Variants in LRRC47 observed in about 807,000 individuals in gnomAD.
LRRC47 encodes the protein leucine-rich repeat-containing protein 47.
Under a neutral mutation model 40.9 loss-of-function variants are expected in LRRC47, and 31 were observed. The observed-to-expected ratio is 0.76, with a 90% confidence interval of 0.57 to 1.02. The LOEUF (loss-of-function observed/expected upper bound fraction) is 1.02, where lower values mean the gene tolerates loss of function less well. Ranked by LOEUF, LRRC47 falls within the 50% of genes least tolerant of loss-of-function variation. The probability of loss-of-function intolerance (pLI) is 0.00; values close to 1 mark genes in which losing one functional copy is unlikely to be tolerated. For missense variants in LRRC47, 726 were observed against 796.1 expected, an observed-to-expected ratio of 0.91 and a Z score of 1.06; for synonymous variants, 427 against 371.9, an observed-to-expected ratio of 1.15 and a Z score of -1.70.
chr1:3,796,375 T>C lies in LRRC47; in HGVS notation c.102A>G (p.Arg34=). 2 of 1,511,964 alleles carry C rather than the reference T, an allele frequency of 1.3e-6. No homozygotes were observed. 93.7% of individuals were successfully genotyped at this position (1,511,964 alleles called of 1,614,324 possible). A position where few individuals can be genotyped will look rare whatever the true frequency, so the allele number is the denominator to read the frequency against. The change falls in exon 1 of 7, where the codon CGA becomes CGG. Residue 34 remains arginine, a synonymous_variant. Transcript: ENST00000378251. ...GCAGCTGCCCACCCGCCGCCCGCAC[T>C]CGCTCCTCCAGCCCGGGCCCCGTCA... ...LLLTGPGLEE[R]VRAAGGQLPP...
rs79199865 is a variant in LRRC47, at chr1:3,789,507, G to A, written c.616-2197C>T. ...AGCAGCAGAGGCGAAGGAGGCGGGC[G>A]GGGCCCCACCGGGGCGCCCAGAGCA... On this transcript the variant is annotated intron_variant, in intron 1 of 6. Transcript: ENST00000378251. 7.4e-4 allele frequency among the ~76,000 whole-genome samples: 112 copies of A among 152,366 alleles called. 3 individuals are homozygous for A. In the East Asian group the frequency reaches 0.021, roughly 28 times the overall value.
rs1435850957 is a variant in LRRC47 at position 3,795,904 on chromosome 1, G to C, written c.573C>G (p.Leu191=). The C allele has an allele frequency of 1.9e-6, 3 of 1,598,368 alleles. No individual in the cohort carries two copies. The highest frequency in any genetic ancestry group is 1.7e-4 in the Middle Eastern group (1 of 6,036). The part of the protein sequence containing the change: ...LSELAAADNC[L]RELSPDIAHL... ...GGGCGATGTCGGGGCTGAGTTCTCG[G>C]AGGCAGTTGTCAGCAGCCGCCAGTT... The change falls in exon 1 of 7, where the codon CTC becomes CTG. Residue 191 remains leucine (L), a synonymous_variant. Transcript: ENST00000378251.
At chr1:3,785,894 G>C (rs1232343518) in intron 2 of LRRC47, among the ~76,000 whole-genome samples, 2 of 149,658 alleles carry the variant, frequency 1.3e-5, no homozygotes, top group East Asian at 3.9e-4. Context: ...TTTTGAGATG[G>C]AGTCTTGCTG....
chr1:3,783,403 AGAGT>A (rs1434383970), intron 4 of LRRC47, among the ~76,000 whole-genome samples: 3 of 142,840 alleles, frequency 2.1e-5, no homozygotes, highest in Non-Finnish European at 4.5e-5. Context: ...CTGGGCGACA[AGAGT>A]GAGACCCCAT....
intron 1 of LRRC47, among the ~76,000 whole-genome samples, chr1:3,788,404 GC>G (rs1321733556): frequency 6.6e-6 from 1 of 152,208 alleles, no homozygotes; most frequent in African/African-American, 2.4e-5. Flanking sequence ...CAGCATGTGG[GC>G]CCCCTGGAAG....
At chr1:3,791,956 G>C (rs1381954400) in intron 1 of LRRC47, among the ~76,000 whole-genome samples, 1 of 151,888 alleles carries the variant, frequency 6.6e-6, no homozygotes, top group African/African-American at 2.4e-5. Context: ...TTTTCACCAT[G>C]TTGCCCAGGC....
chr1:3,796,066 G>C lies in LRRC47; in HGVS notation c.411C>G (p.Ser137Arg), dbSNP rs753869311. The C allele has an allele frequency of 5.9e-6, 9 of 1,537,060 alleles. No individual in the cohort carries two copies. The highest frequency in any genetic ancestry group is 7.0e-6 in the Non-Finnish European group (8 of 1,145,138). The change falls in exon 1 of 7, where the codon AGC becomes AGG. Residue 137 changes from serine (S) to arginine (R), a missense_variant. Ser to Arg is a moderately radical substitution (Grantham distance 110). Transcript: ENST00000378251. ...GLPQLQSLNLSGNRLRELPAD... is the reference protein window; with the variant it reads ...GLPQLQSLNLRGNRLRELPAD... Reference sequence around the variant, plus strand: ...CTGGCAGCTCGCGCAGCCGGTTGCCGCTGAGGTTGAGGCTCTGCAGCTGCG... The same window carrying C: ...CTGGCAGCTCGCGCAGCCGGTTGCCCCTGAGGTTGAGGCTCTGCAGCTGCG...
chr1:3,780,873 G>A lies in LRRC47; in HGVS notation c.*215C>T. 1 of 635,354 alleles carries A rather than the reference G, an allele frequency of 1.6e-6. No homozygotes were observed. The highest frequency in any genetic ancestry group is 2.6e-6 in the Non-Finnish European group (1 of 380,920). 39.4% of individuals were successfully genotyped at this position (635,354 alleles called of 1,614,324 possible). ...CACCTGTAGTCCCAGCTACTTGGGA[G>A]GCTGAGGCAGGAGAATCGCTTGAAC... On this transcript the variant is annotated 3_prime_UTR_variant, in exon 7 of 7. Coordinates refer to ENST00000378251, the MANE Select transcript of LRRC47 (RefSeq NM_020710.3).
At position 3,787,296 on chromosome 1, in the gene LRRC47, C is replaced by G. The variant is rs749111451; in HGVS notation, c.630G>C (p.Ser210=). ...HLASLKTLDL[S]NNQLSEIPAE... ...CAGGGATCTCGCTCAGCTGGTTGTT[C>G]GAGAGGTCCAACGTCTGCAAAGAGA... Residue 210 remains serine (S), a synonymous_variant, in exon 2 of 7, where the codon TCG becomes TCC. Transcript: ENST00000378251. 2.5e-6 allele frequency: 4 copies of G among 1,611,432 alleles called. No individual in the cohort carries two copies. The South Asian group carries it at 4.4e-5, about 18-fold the overall frequency.
At chr1:3,787,706 G>A (rs575789668) in intron 1 of LRRC47, among the ~76,000 whole-genome samples, 1 of 152,282 alleles carries the variant, frequency 6.6e-6, no homozygotes, top group Admixed American at 6.5e-5. Flanking sequence ...GACCTAGCCA[G>A]GACTGCTCAG....
intron 2 of LRRC47, among the ~76,000 whole-genome samples, chr1:3,786,316 G>T (rs1008013807): frequency 2.0e-5 from 3 of 152,070 alleles, no homozygotes; most frequent in Admixed American, 6.5e-5. Context: ...TGGCCAACAT[G>T]GTGAAACCTC....
At position 3,796,133 on chromosome 1, in the gene LRRC47, G is replaced by A. The variant is rs1345492550; in HGVS notation, c.344C>T (p.Pro115Leu). Residue 115 changes from proline to leucine, a missense_variant, in exon 1 of 7, where the codon CCG (proline) becomes CTG (leucine). By Grantham distance (98) the Pro-to-Leu change is moderately conservative. Transcript: ENST00000378251. Reference sequence around the variant, plus strand: ...GGCGGGGCCCAGGCCTTGGCCCGGCGGCAGCGCCTCCAGCGCGTTGCCCGA... The same window carrying A: ...GGCGGGGCCCAGGCCTTGGCCCGGCAGCAGCGCCTCCAGCGCGTTGCCCGA... ...DLSGNALEAL[P>L]PGQGLGPAEP... 12 of 1,432,168 alleles carry A rather than the reference G, an allele frequency of 8.4e-6. No homozygotes were observed. The highest frequency in any genetic ancestry group is 1.0e-5 in the Non-Finnish European group (11 of 1,100,602). 88.7% of individuals were successfully genotyped at this position (1,432,168 alleles called of 1,614,324 possible).
Position 3,796,102 on chromosome 1 carries a change from C to T in LRRC47, c.375G>A (p.Pro125=). The T allele has an allele frequency of 5.5e-6, 8 of 1,466,322 alleles. No homozygotes were observed. The highest frequency in any genetic ancestry group is 1.3e-5 in the South Asian group (1 of 74,456). 90.8% of individuals were successfully genotyped at this position (1,466,322 alleles called of 1,614,324 possible). A position where few individuals can be genotyped will look rare whatever the true frequency, so the allele number is the denominator to read the frequency against. ...PPGQGLGPAE[P]PGLPQLQSLN... ...GGCTCTGCAGCTGCGGAAGGCCCGG[C>T]GGCTCGGCGGGGCCCAGGCCTTGGC... The change falls in exon 1 of 7, where the codon CCG becomes CCA. Residue 125 remains proline, a synonymous_variant. Transcript: ENST00000378251.
At chr1:3,784,233 C>T (rs1416653542) in intron 3 of LRRC47, 122 bp from the exon 4 acceptor site, 2 of 800,324 alleles carry the variant, frequency 2.5e-6, no homozygotes, top group Non-Finnish European at 4.0e-6. Context: ...ATCTCTACAG[C>T]AGGCAGGGAG....
intron 1 of LRRC47, among the ~76,000 whole-genome samples, chr1:3,793,874 G>A (rs1344690135): frequency 6.6e-6 from 1 of 151,926 alleles, no homozygotes; most frequent in Non-Finnish European, 1.5e-5. Context: ...GAAAAACCCC[G>A]CCTCCAAATT....
chr1:3,781,529 T>C lies in LRRC47; in HGVS notation c.1486A>G (p.Met496Val), dbSNP rs763421096. The change falls in exon 6 of 7, where the codon ATG (methionine) becomes GTG (valine). Residue 496 changes from methionine (M) to valine (V), a missense_variant. Transcript: ENST00000378251. ...ACACTCACCAGAATGAGGGCATCCATGACATCCTTGCAAATCTGCAGACTG... is the reference window on the plus strand; with the variant it reads ...ACACTCACCAGAATGAGGGCATCCACGACATCCTTGCAAATCTGCAGACTG... ...ATSLQICKDV[M>V]DALILKMAEM... The C allele has an allele frequency of 1.2e-6, 2 of 1,612,710 alleles. No individual in the cohort carries two copies. Among genetic ancestry groups the C allele is most frequent in the Non-Finnish European group, 1.7e-6 (2 of 1,178,830 alleles).
intron 1 of LRRC47, among the ~76,000 whole-genome samples, chr1:3,793,039 A>T (rs1255750887): frequency 1.3e-5 from 2 of 152,168 alleles, no homozygotes; most frequent in Non-Finnish European, 2.9e-5. Context: ...ACCTTTGCAA[A>T]AACTGTAACA....
At chr1:3,786,670 C>T (rs1643576536) in intron 2 of LRRC47, among the ~76,000 whole-genome samples, 179 bp downstream of exon 2, 1 of 152,196 alleles carries the variant, frequency 6.6e-6, no homozygotes, top group East Asian at 1.9e-4. Context: ...TCAGCAACAC[C>T]TGAGCCAGAA....
rs1293283839 is a variant in LRRC47, at chr1:3,779,011, G to C, written c.*2077C>G. 6.6e-6 allele frequency: 1 copy of C among 152,472 alleles called. No homozygotes were observed. Among genetic ancestry groups the C allele is most frequent in the Non-Finnish European group, 1.5e-5 (1 of 68,210 alleles). The allele number at this position is 152,472 out of a possible 1,614,324, so 9.4% of individuals were successfully genotyped here. The stretch of plus-strand genomic sequence containing the variant: ...TCTGCCTTGACTGCCCAGAGCAGCA[G>C]GAATCAGGTTTTGGGAGGACACAAG... On this transcript the variant is annotated 3_prime_UTR_variant, in exon 7 of 7. Transcript: ENST00000378251.
Sources: gnomAD v4.1 joint callset for allele counts (sites outside exome capture counted in the v4.1 genomes callset) on GRCh38, gnomAD v4.1.1 for gene constraint, MANE v1.5 for transcripts, NCBI Gene and HGNC (gene_info 2026-07-23, HGNC 2026-07-21) for gene names.